MRTFA: variants seen among roughly 807,000 people sequenced by gnomAD.
MRTFA encodes myocardin related transcription factor A.
In MRTFA, 20 loss-of-function variants were observed where a neutral mutation model predicts 83.5. The ratio of observed to expected loss-of-function variants is 0.24; its 90% CI spans 0.17 to 0.35. The LOEUF (loss-of-function observed/expected upper bound fraction) is 0.35. Ranked by LOEUF, MRTFA falls within the 10% of genes least tolerant of loss-of-function variation. The probability of loss-of-function intolerance (pLI) is 1.00; values close to 1 mark genes in which losing one functional copy is unlikely to be tolerated. For synonymous variants in MRTFA, 659 were observed against 541.2 expected (o/e 1.22, Z -3.02); for missense variants, 1,200 against 1,224.7 (o/e 0.98, Z 0.30).
intron 3 of MRTFA, among the ~76,000 whole-genome samples, chr22:40,484,855 G>A (rs1418647905): frequency 1.3e-5 from 2 of 151,892 alleles, no homozygotes; most frequent in East Asian, 1.9e-4. Context: ...GGCGGATCAC[G>A]AGGTCAGGAG....
At position 40,411,768 on chromosome 22, in the gene MRTFA, G is replaced by T; in HGVS notation, c.2718C>A (p.Gly906=). 2 of 1,537,254 alleles carry T rather than the reference G, an allele frequency of 1.3e-6. No homozygotes were observed. Among genetic ancestry groups the T allele is most frequent in the African/African-American group, 1.4e-5 (1 of 73,198 alleles). ...CCAGGCGTCCAGGGAGGGAGGGTGA[G>T]CCTGGAGGAGGTGGGGCAGCCTGGG... Residue 906 remains glycine (G), a synonymous_variant, in exon 15 of 15, where the codon GGC becomes GGA. Transcript: ENST00000355630.
chr22:40,499,950 C>G (rs1382753982), intron 3 of MRTFA, among the ~76,000 whole-genome samples: 2 of 111,514 alleles, frequency 1.8e-5, no homozygotes, highest in African/African-American at 6.9e-5. Flanking sequence ...GAGACCGAGT[C>G]TCACTCTGTC....
At position 40,417,463 on chromosome 22, in the gene MRTFA, C is replaced by T. The variant is rs748963482; in HGVS notation, c.2395G>A (p.Ala799Thr). 6.3e-7 allele frequency: 1 copy of T among 1,595,748 alleles called. No homozygotes were observed. Among genetic ancestry groups the T allele is most frequent in the South Asian group, 1.1e-5 (1 of 88,726 alleles). The stretch of plus-strand genomic sequence containing the variant: ...TCCAGGTCCATCTGGGCAGAGGGGG[C>T]AGGCGCTGGAGAGCCAGGCTGGGAC... Residue 799 changes from alanine (A) to threonine (T), a missense_variant, in exon 13 of 15, where the codon GCC becomes ACC. Ala to Thr is a moderately conservative substitution (Grantham distance 58, BLOSUM62 0). Coordinates refer to ENST00000355630, the MANE Select transcript of MRTFA (RefSeq NM_020831.6).
intron 3 of MRTFA, among the ~76,000 whole-genome samples, chr22:40,536,520 C>G (rs1488747428): frequency 8.2e-6 from 1 of 122,648 alleles, no homozygotes; most frequent in African/African-American, 3.0e-5. Flanking sequence ...TCTGCCCGGC[C>G]GCCACCCCGT....
At chr22:40,448,065 A>G (rs2053415169) in intron 4 of MRTFA, among the ~76,000 whole-genome samples, 2 of 152,168 alleles carry the variant, frequency 1.3e-5, no homozygotes, top group South Asian at 4.1e-4. Flanking sequence ...TAATCCCAAC[A>G]CTTTGGGAGT....
chr22:40,457,823 T>A (rs1407188865), intron 4 of MRTFA, among the ~76,000 whole-genome samples: 1 of 152,204 alleles, frequency 6.6e-6, no homozygotes, highest in Admixed American at 6.5e-5. Context: ...TATAAAAGAC[T>A]GACAAGAGAC....
intron 1 of MRTFA, among the ~76,000 whole-genome samples, chr22:40,623,765 T>C (rs1046115925): frequency 1.3e-5 from 2 of 152,210 alleles, no homozygotes; most frequent in Admixed American, 6.5e-5. Flanking sequence ...GGTTAAATGC[T>C]TTACATTCAG....
chr22:40,519,613 C>CATTCTTCCGCTCACTAAGTGGAGGCAAAT, intron 3 of MRTFA: 2 of 1,317,700 alleles, frequency 1.5e-6, no homozygotes, highest in Admixed American at 2.5e-5. Flanking sequence ...AGACATTTTT[C>CATTCTTCCGCTCACTAAGTGGAGGCAAAT]TGTTGTACAT....
chr22:40,411,359 C>G lies in MRTFA; in HGVS notation c.*31G>C, dbSNP rs779715608. On this transcript the variant is annotated 3_prime_UTR_variant, in exon 15 of 15. Coordinates refer to ENST00000355630, the MANE Select transcript of MRTFA (RefSeq NM_020831.6). ...CGCATTGGAGTACCCTGGCTCCCAG[C>G]CCCTTCCCCACCCCGTCTTGAGCCA... 3 of 1,529,876 alleles carry G rather than the reference C, an allele frequency of 2.0e-6. No individual in the cohort carries two copies. Among genetic ancestry groups the G allele is most frequent in the East Asian group, 4.6e-5 (2 of 43,792 alleles). The allele number at this position is 1,529,876 out of a possible 1,614,324, so 94.8% of individuals were successfully genotyped here.
chr22:40,477,299 G>A (rs963348430), intron 3 of MRTFA, among the ~76,000 whole-genome samples: 5 of 151,494 alleles, frequency 3.3e-5, no homozygotes, highest in African/African-American at 7.3e-5. Flanking sequence ...GCAGTGAGCC[G>A]AGATCACGCC....
At chr22:40,543,787 CT>C (rs571443798) in intron 3 of MRTFA, among the ~76,000 whole-genome samples, 77 of 152,258 alleles carry the variant, frequency 5.1e-4, no homozygotes, top group Non-Finnish European at 1.0e-3. Context: ...AATATCAGTT[CT>C]TCCTAAGTTG....
chr22:40,585,789 GAGAT>G (rs2056019428), intron 2 of MRTFA, among the ~76,000 whole-genome samples: 3 of 152,176 alleles, frequency 2.0e-5, no homozygotes, highest in Non-Finnish European at 2.9e-5. Context: ...GTTGAGCAGA[GAGAT>G]ATAGTAAGAC....
At chr22:40,582,834 G>C (rs1011467468) in intron 2 of MRTFA, among the ~76,000 whole-genome samples, 2 of 152,094 alleles carry the variant, frequency 1.3e-5, no homozygotes, top group Admixed American at 6.6e-5. Flanking sequence ...CCAGAACTCA[G>C]TTCATTATGT....
chr22:40,502,151 CG>C (rs2054497251), intron 3 of MRTFA, among the ~76,000 whole-genome samples: 5 of 127,212 alleles, frequency 3.9e-5, no homozygotes, highest in South Asian at 2.6e-4. Flanking sequence ...GCTGGCCGGG[CG>C]GGGGGCTGAC....
At chr22:40,413,137 CAAAAAAA>C (rs35119560) in intron 14 of MRTFA, among the ~76,000 whole-genome samples, 43 of 28,140 alleles carry the variant, frequency 1.5e-3, no homozygotes, top group African/African-American at 6.8e-3. Flanking sequence ...CACCCTGTCT[CAAAAAAA>C]AAAAAAAAAA....
chr22:40,636,100 A>G (rs1265199175), intron 1 of MRTFA, among the ~76,000 whole-genome samples: 1 of 152,222 alleles, frequency 6.6e-6, no homozygotes, highest in East Asian at 1.9e-4. Context: ...TGGATCCTGA[A>G]GGTCTGCACA....
chr22:40,588,254 C>A (rs2056062549), intron 2 of MRTFA, among the ~76,000 whole-genome samples: 1 of 152,084 alleles, frequency 6.6e-6, no homozygotes, highest in Non-Finnish European at 1.5e-5. Context: ...ATCTCTAACT[C>A]CTGACCTTGT....
chr22:40,441,214 G>T (rs1425503191), intron 4 of MRTFA, among the ~76,000 whole-genome samples: 1 of 152,238 alleles, frequency 6.6e-6, no homozygotes, highest in East Asian at 1.9e-4. Flanking sequence ...AACAAAGGAA[G>T]TGTGCAGAAA....
Position 40,529,635 on chromosome 22 carries a change from A to G in MRTFA, c.241+22471T>C, listed in dbSNP as rs115193837. ...AAATATTTTCAAATAGATAACATGT[A>G]TGTGGTATAAAACCAAAAAGATTTT... On this transcript the variant is annotated intron_variant, in intron 3 of 14. Coordinates refer to ENST00000355630, the MANE Select transcript of MRTFA (RefSeq NM_020831.6). Among the ~76,000 whole-genome samples the G allele has an allele frequency of 4.4e-3, 672 of 152,308 alleles. 7 individuals carry two copies. Among genetic ancestry groups the G allele is most frequent in the African/African-American group, 0.016 (647 of 41,572 alleles).
Sources: gnomAD v4.1 joint callset for allele counts (sites outside exome capture counted in the v4.1 genomes callset) on GRCh38, gnomAD v4.1.1 for gene constraint, MANE v1.5 for transcripts, NCBI Gene and HGNC (gene_info 2026-07-23, HGNC 2026-07-21) for gene names.